The following ZNF75D variants were observed in gnomAD, a reference collection of about 807,000 sequenced individuals.
ZNF75D encodes zinc finger protein 75.
Under a neutral mutation model 33.3 loss-of-function variants are expected in ZNF75D, and 33 were observed. The observed-to-expected ratio is 0.99, with a 90% confidence interval of 0.75 to 1.32. ZNF75D has a LOEUF of 1.32. Ranked by LOEUF, ZNF75D falls within the 40% of genes most tolerant of loss-of-function variation. The pLI, the probability that ZNF75D is intolerant of heterozygous loss-of-function variation, is 0.00. For synonymous variants in ZNF75D, 113 were observed against 130.6 expected, an observed-to-expected ratio of 0.87 and a Z score of 0.92; for missense variants, 338 against 367.5, an observed-to-expected ratio of 0.92 and a Z score of 0.66.
At chrX:135,320,568 G>A (rs1259708351) in intron 1 of ZNF75D, among the ~76,000 whole-genome samples, 1 of 111,317 alleles carries the variant, frequency 9.0e-6, no homozygotes, top group African/African-American at 3.3e-5. Flanking sequence ...ACTGACAATT[G>A]CTTTGAAATA....
In ZNF75D at chrX:135,287,343, G is replaced by T; in HGVS notation, c.1327C>A (p.His443Asn). ...CATTTAAAGGGCTTCTCTCCTGTGT[G>T]AATTCTTTGGTGTGTGTGTAGATTT... Reference protein sequence around the residue: ...NTNLHTHQRIHTGEKPFKCDE... With the variant: ...NTNLHTHQRINTGEKPFKCDE... Residue 443 changes from histidine to asparagine, a missense_variant, in exon 7 of 7, where the codon CAC (histidine) becomes AAC (asparagine). Physicochemically the swap from His to Asn is moderately conservative, Grantham distance 68 (BLOSUM62 1). Transcript: ENST00000370766. 8.3e-7 allele frequency: 1 copy of T among 1,211,828 alleles called. No homozygotes were observed. The highest frequency in any genetic ancestry group is 1.1e-6 in the Non-Finnish European group (1 of 895,444).
chrX:135,257,962 G>C (rs868965725), intron 1 of ZNF75D, among the ~76,000 whole-genome samples: 3 of 108,173 alleles, frequency 2.8e-5, no homozygotes, highest in African/African-American at 1.0e-4. Flanking sequence ...TCCTCCCGGA[G>C]CCCCCCCACC....
At chrX:135,293,483 A>G in intron 3 of ZNF75D, among the ~76,000 whole-genome samples, 1 of 111,399 alleles carries the variant, frequency 9.0e-6, no homozygotes, top group Middle Eastern at 4.6e-3. Flanking sequence ...GCCCACCACC[A>G]TCAATTCACC....
chrX:135,268,081 C>T (rs1326204810), intron 1 of ZNF75D, among the ~76,000 whole-genome samples: 1 of 103,581 alleles, frequency 9.7e-6, no homozygotes, highest in East Asian at 3.0e-4. Flanking sequence ...TGGTAAAAAT[C>T]CTCAAAAGCT....
At chrX:135,329,963 C>G (rs2084631666) in intron 1 of ZNF75D, among the ~76,000 whole-genome samples, 2 of 111,971 alleles carry the variant, frequency 1.8e-5, no homozygotes, top group Admixed American at 9.5e-5. Flanking sequence ...AGTCATGAAC[C>G]TCCATATGAA....
chrX:135,261,064 C>A (rs1569485719), intron 1 of ZNF75D, among the ~76,000 whole-genome samples: 1 of 112,363 alleles, frequency 8.9e-6, no homozygotes, highest in Admixed American at 9.4e-5. Context: ...ACCCAGTAGT[C>A]ATTCAGGAGC....
chrX:135,335,396 G>A (rs1378624312), intron 1 of ZNF75D, among the ~76,000 whole-genome samples: 4 of 110,887 alleles, frequency 3.6e-5, no homozygotes, highest in Non-Finnish European at 7.6e-5. Flanking sequence ...GCTCTAGCTC[G>A]ACCACCAGGA....
downstream of ZNF75D, among the ~76,000 whole-genome samples, chrX:135,282,466 C>T (rs782585199): frequency 7.2e-5 from 8 of 111,509 alleles, no homozygotes; most frequent in African/African-American, 2.6e-4. Flanking sequence ...CACTTGGCTC[C>T]CTGGCTTCAG....
intron 3 of ZNF75D, among the ~76,000 whole-genome samples, chrX:135,250,248 C>A (rs1159433814): frequency 1.6e-5 from 1 of 62,306 alleles, no homozygotes; most frequent in Non-Finnish European, 3.0e-5. Context: ...AAGTTATCTT[C>A]CCTCTCCAAA....
intron 1 of ZNF75D, among the ~76,000 whole-genome samples, chrX:135,330,907 T>C (rs1224973286): frequency 9.0e-6 from 1 of 111,448 alleles, no homozygotes; most frequent in African/African-American, 3.3e-5. Context: ...TCTTCCACCA[T>C]AAATCTTTCT....
intron 1 of ZNF75D, among the ~76,000 whole-genome samples, chrX:135,333,481 C>A (rs928421799): frequency 9.0e-6 from 1 of 111,685 alleles, no homozygotes; most frequent in African/African-American, 3.3e-5. Flanking sequence ...AAATAATCCA[C>A]CACTTTTCCC....
intron 1 of ZNF75D, among the ~76,000 whole-genome samples, chrX:135,329,024 T>G (rs1209958841): frequency 6.2e-5 from 7 of 112,238 alleles, no homozygotes; most frequent in Non-Finnish European, 1.1e-4. Context: ...CATGCTTTTT[T>G]GTGGAAATAC....
At chrX:135,270,148 A>G (rs1268401999) in intron 1 of ZNF75D, among the ~76,000 whole-genome samples, 1 of 109,072 alleles carries the variant, frequency 9.2e-6, no homozygotes, top group Non-Finnish European at 1.9e-5. Context: ...TGGGTACAAA[A>G]AAAAATAGAA....
chrX:135,287,988 G>C, intron 6 of ZNF75D, 142 bp from the exon 7 acceptor site: 1 of 492,344 alleles, frequency 2.0e-6, no homozygotes, highest in Non-Finnish European at 3.3e-6. Context: ...AAATGGCATA[G>C]ACCCATTTCT....
At chrX:135,292,061 A>G (rs999555965) in intron 4 of ZNF75D, among the ~76,000 whole-genome samples, 2 of 111,488 alleles carry the variant, frequency 1.8e-5, no homozygotes, top group Admixed American at 1.9e-4. Flanking sequence ...GTTTCAAAGG[A>G]GTAGAGTCTA....
At chrX:135,264,842 G>C (rs1437120225) in intron 1 of ZNF75D, among the ~76,000 whole-genome samples, 1 of 111,268 alleles carries the variant, frequency 9.0e-6, no homozygotes, top group African/African-American at 3.3e-5. Flanking sequence ...TACATAATCA[G>C]AGGAGACAAA....
chrX:135,329,958 T>C (rs782488072), intron 1 of ZNF75D, among the ~76,000 whole-genome samples: 98 of 112,222 alleles, frequency 8.7e-4, no homozygotes, highest in Non-Finnish European at 1.5e-3. Flanking sequence ...AGCACAGTCA[T>C]GAACCTCCAT....
chrX:135,298,498 C>T (rs1556423721), intron 1 of ZNF75D: 1 of 111,230 alleles, frequency 9.0e-6, no homozygotes, highest in African/African-American at 3.3e-5. Context: ...AGAGTAGATT[C>T]AATTCTAAAA....
In ZNF75D at chrX:135,294,155, G is replaced by A. The variant is rs2084090525; in HGVS notation, c.-15C>T. On this transcript the variant is annotated 5_prime_UTR_variant, in exon 3 of 7. Transcript: ENST00000370766. ...CTCATCGCCATTTGCTCTAGGAACAGTTTTACTCTTGTATGTGACACTGAC... is the reference window on the plus strand; with the variant it reads ...CTCATCGCCATTTGCTCTAGGAACAATTTTACTCTTGTATGTGACACTGAC... The A allele has an allele frequency of 1.7e-6, 2 of 1,167,392 alleles. No individual in the cohort carries two copies. The highest frequency in any genetic ancestry group is 4.0e-5 in the South Asian group (2 of 49,743).
Sources: allele counts gnomAD v4.1 joint callset (sites outside exome capture counted in the v4.1 genomes callset), GRCh38; gene constraint gnomAD v4.1.1; transcripts MANE v1.5; gene names NCBI Gene and HGNC (gene_info 2026-07-23, HGNC 2026-07-21).